Variants in GAS2 observed in about 807,000 individuals in gnomAD.
The protein encoded by GAS2 is growth arrest-specific protein 2.
A neutral mutation model predicts 37.5 loss-of-function variants in GAS2; 20 were observed. The ratio of observed to expected loss-of-function variants is 0.53; its 90% CI spans 0.37 to 0.77. GAS2 has a LOEUF of 0.77. Among genes scored for constraint, GAS2 ranks in the 30% least tolerant of loss-of-function variants. The pLI is 0.00. For synonymous variants in GAS2, 144 were observed against 132.2 expected (o/e 1.09, Z -0.61); for missense variants, 336 against 373.4 (o/e 0.90, Z 0.82).
intron 3 of GAS2, among the ~76,000 whole-genome samples, chr11:22,696,049 G>T (rs894502280): frequency 6.6e-6 from 1 of 151,056 alleles, no homozygotes; most frequent in Non-Finnish European, 1.5e-5. Flanking sequence ...CCATTAACTC[G>T]TCATGTAGCA....
At chr11:22,739,294 G>A (rs1852923025) in intron 5 of GAS2, among the ~76,000 whole-genome samples, 5 of 151,988 alleles carry the variant, frequency 3.3e-5, no homozygotes, top group Admixed American at 2.6e-4. Context: ...GGGGAAGTTG[G>A]CCGGGCGCTG....
intron 1 of GAS2, among the ~76,000 whole-genome samples, chr11:22,657,436 G>A (rs983875159): frequency 6.6e-6 from 1 of 152,148 alleles, no homozygotes. Context: ...TGGCCCCAGA[G>A]GAGATTAAGG....
At chr11:22,764,981 T>G (rs1389718540) in intron 7 of GAS2, among the ~76,000 whole-genome samples, 1 of 152,224 alleles carries the variant, frequency 6.6e-6, no homozygotes, top group African/African-American at 2.4e-5. Context: ...GCCATTATGC[T>G]GTATCTAGAA....
At chr11:22,671,828 A>G (rs1208162900) in intron 1 of GAS2, among the ~76,000 whole-genome samples, 4 of 152,078 alleles carry the variant, frequency 2.6e-5, no homozygotes, top group East Asian at 1.9e-4. Context: ...CTACTTCACC[A>G]TGGGGTAAAT....
At chr11:22,692,952 C>T (rs1013061608) in intron 3 of GAS2, among the ~76,000 whole-genome samples, 10 of 152,152 alleles carry the variant, frequency 6.6e-5, no homozygotes, top group African/African-American at 2.4e-4. Flanking sequence ...TCCTACCTGA[C>T]CCCTACTACT....
intron 1 of GAS2, among the ~76,000 whole-genome samples, chr11:22,645,239 G>A (rs1026799566): frequency 2.6e-5 from 4 of 152,062 alleles, no homozygotes; most frequent in Non-Finnish European, 5.9e-5. Context: ...GCCGGGTGGG[G>A]TGGCTCACTC....
intron 5 of GAS2, among the ~76,000 whole-genome samples, chr11:22,744,675 C>T (rs1414510288): frequency 6.6e-6 from 1 of 152,046 alleles, no homozygotes; most frequent in East Asian, 1.9e-4. Context: ...CCATCTATGA[C>T]AAAACCACAG....
At chr11:22,681,926 A>G (rs1273608022) in intron 2 of GAS2, among the ~76,000 whole-genome samples, 1 of 152,114 alleles carries the variant, frequency 6.6e-6, no homozygotes, top group Non-Finnish European at 1.5e-5. Flanking sequence ...CTGATTTCTT[A>G]CAATCATACA....
intron 7 of GAS2, among the ~76,000 whole-genome samples, chr11:22,771,963 G>A (rs1012193300): frequency 6.6e-6 from 1 of 152,086 alleles, no homozygotes; most frequent in Non-Finnish European, 1.5e-5. Context: ...TATTCTGACA[G>A]TTCAATATAA....
At chr11:22,803,152 A>G (rs1225898896) in intron 7 of GAS2, among the ~76,000 whole-genome samples, 2 of 152,114 alleles carry the variant, frequency 1.3e-5, no homozygotes, top group Non-Finnish European at 1.5e-5. Context: ...TTTAGAATGA[A>G]GAACACAAAG....
chr11:22,756,539 C>T (rs1321258345), intron 7 of GAS2, among the ~76,000 whole-genome samples: 2 of 151,924 alleles, frequency 1.3e-5, no homozygotes, highest in Non-Finnish European at 2.9e-5. Context: ...TCTCACAATA[C>T]TCAAATCTGC....
intron 5 of GAS2, among the ~76,000 whole-genome samples, chr11:22,747,613 G>A (rs2134280636): frequency 6.6e-6 from 1 of 152,052 alleles, no homozygotes; most frequent in South Asian, 2.1e-4. Flanking sequence ...CACCTTTACA[G>A]CTAAAAAGAT....
intron 7 of GAS2, among the ~76,000 whole-genome samples, chr11:22,787,429 G>T (rs1289138881): frequency 6.6e-6 from 1 of 151,984 alleles, no homozygotes; most frequent in Non-Finnish European, 1.5e-5. Flanking sequence ...AATTATATGC[G>T]ATATATGCAG....
At chr11:22,633,626 G>A (rs1858776563) in intron 1 of GAS2, among the ~76,000 whole-genome samples, 1 of 152,186 alleles carries the variant, frequency 6.6e-6, no homozygotes, top group Non-Finnish European at 1.5e-5. Context: ...CCAGTGATGG[G>A]CAGAGGTCCT....
At chr11:22,792,996 T>A (rs1349980968) in intron 7 of GAS2, among the ~76,000 whole-genome samples, 1 of 152,206 alleles carries the variant, frequency 6.6e-6, no homozygotes, top group African/African-American at 2.4e-5. Flanking sequence ...AGGCCATGGC[T>A]GAGCATGGTG....
chr11:22,684,748 T>C (rs1849856956), intron 2 of GAS2, among the ~76,000 whole-genome samples: 1 of 152,116 alleles, frequency 6.6e-6, no homozygotes, highest in Non-Finnish European at 1.5e-5. Flanking sequence ...TTTGTGTTTT[T>C]GTAGAAATGG....
intron 5 of GAS2, among the ~76,000 whole-genome samples, chr11:22,748,824 C>T (rs1486083592): frequency 6.6e-6 from 1 of 152,052 alleles, no homozygotes; most frequent in African/African-American, 2.4e-5. Context: ...ACCAAATTTA[C>T]ATGGTTATTC....
chr11:22,763,061 T>C (rs1292926572), intron 7 of GAS2, among the ~76,000 whole-genome samples: 1 of 152,178 alleles, frequency 6.6e-6, no homozygotes, highest in East Asian at 1.9e-4. Context: ...ATATGAGTAC[T>C]TGAGGGGCCT....
chr11:22,636,218 A>G (rs757660433), intron 1 of GAS2, among the ~76,000 whole-genome samples: 9 of 152,098 alleles, frequency 5.9e-5, no homozygotes, highest in Non-Finnish European at 1.2e-4. Context: ...AGTGGGAGAG[A>G]CATGCTAACA....
Sources: gnomAD v4.1 joint callset for allele counts (sites outside exome capture counted in the v4.1 genomes callset) on GRCh38, gnomAD v4.1.1 for gene constraint, MANE v1.5 for transcripts, NCBI Gene and HGNC (gene_info 2026-07-23, HGNC 2026-07-21) for gene names.